Variants in QRFPR observed in about 807,000 individuals in gnomAD.
The protein encoded by QRFPR is pyroglutamylated RF-amide peptide receptor.
QRFPR carries 37 observed loss-of-function variants against 31.3 expected under a neutral mutation model. The ratio of observed to expected loss-of-function variants is 1.18; its 90% CI spans 0.91 to 1.56. The LOEUF (loss-of-function observed/expected upper bound fraction) is 1.56. Among genes scored for constraint, QRFPR ranks in the 40% most tolerant of loss-of-function variants. The pLI is 0.00. For synonymous variants in QRFPR, 197 were observed against 192.0 expected (o/e 1.03, Z -0.22); for missense variants, 542 against 532.5 (o/e 1.02, Z -0.18).
intron 2 of QRFPR, among the ~76,000 whole-genome samples, chr4:121,338,876 T>C (rs1295154625): frequency 6.6e-6 from 1 of 152,360 alleles, no homozygotes; most frequent in South Asian, 2.1e-4. Flanking sequence ...CTACTTCTCT[T>C]TCCTTTTAAA....
chr4:121,362,508 G>C (rs1726013589), intron 1 of QRFPR, among the ~76,000 whole-genome samples: 1 of 149,644 alleles, frequency 6.7e-6, no homozygotes. Flanking sequence ...AAAAGACCAG[G>C]AATAACTAAC....
intron 3 of QRFPR, among the ~76,000 whole-genome samples, chr4:121,333,826 A>C (rs1725382735): frequency 6.6e-6 from 1 of 152,176 alleles, no homozygotes. Flanking sequence ...AGGAATAAAA[A>C]CGAGAATATT....
chr4:121,331,650 ATTATTATTG>A (rs985269291), intron 4 of QRFPR, among the ~76,000 whole-genome samples: 24 of 147,006 alleles, frequency 1.6e-4, no homozygotes, highest in African/African-American at 6.0e-4. Context: ...TATTATTATT[ATTATTATTG>A]TTATTATTAT....
chr4:121,353,590 C>T (rs1725804570), intron 1 of QRFPR, among the ~76,000 whole-genome samples: 1 of 151,888 alleles, frequency 6.6e-6, no homozygotes, highest in African/African-American at 2.4e-5. Context: ...ACTGTTTGAG[C>T]TCCTTCTATA....
intron 3 of QRFPR, 46 bp downstream of exon 3, chr4:121,336,761 A>G: frequency 2.8e-6 from 4 of 1,431,276 alleles, no homozygotes; most frequent in Non-Finnish European, 3.9e-6. Flanking sequence ...AAGAGGGGTG[A>G]GAAAATAGTT....
At chr4:121,350,207 A>G (rs1053758912) in intron 1 of QRFPR, among the ~76,000 whole-genome samples, 10 of 152,210 alleles carry the variant, frequency 6.6e-5, no homozygotes, top group Admixed American at 5.9e-4. Flanking sequence ...TTTAGGATGA[A>G]AAACTACAAA....
intron 1 of QRFPR, among the ~76,000 whole-genome samples, chr4:121,346,538 C>T: frequency 6.6e-6 from 1 of 152,088 alleles, no homozygotes; most frequent in Non-Finnish European, 1.5e-5. Context: ...ACTTATTGTC[C>T]TTGTTTCTCT....
chr4:121,379,989 C>T (rs543357715), intron 1 of QRFPR, among the ~76,000 whole-genome samples: 13 of 152,006 alleles, frequency 8.6e-5, no homozygotes, highest in Non-Finnish European at 1.9e-4. Flanking sequence ...CCTCACTGCT[C>T]GGGACCTTTC....
At chr4:121,345,137 C>A (rs1341544466) in intron 1 of QRFPR, among the ~76,000 whole-genome samples, 2 of 152,172 alleles carry the variant, frequency 1.3e-5, no homozygotes, top group Admixed American at 6.5e-5. Flanking sequence ...CCACTGTGGG[C>A]AGGTTAGGTA....
intron 2 of QRFPR, among the ~76,000 whole-genome samples, chr4:121,338,294 T>C (rs973183466): frequency 3.9e-5 from 6 of 152,156 alleles, no homozygotes; most frequent in African/African-American, 7.2e-5. Flanking sequence ...AGTCTAATTT[T>C]CATAGCTCAT....
At chr4:121,350,344 C>T (rs543632972) in intron 1 of QRFPR, among the ~76,000 whole-genome samples, 78 of 152,296 alleles carry the variant, frequency 5.1e-4, no homozygotes, top group African/African-American at 1.8e-3. Flanking sequence ...GTTTAGTCCC[C>T]ATATTATTTT....
chr4:121,365,525 A>T (rs1198300350), intron 1 of QRFPR, among the ~76,000 whole-genome samples: 2 of 8,012 alleles, frequency 2.5e-4, no homozygotes, highest in East Asian at 2.1e-3. Context: ...TATTATATAT[A>T]TTATATATAA....
At chr4:121,340,108 CA>C (rs58311512) in intron 2 of QRFPR, 1,931 of 131,418 alleles carry the variant, frequency 0.015, 6 homozygotes, top group African/African-American at 0.051. Context: ...CACTCTGTCT[CA>C]AAAAAAAAAA....
chr4:121,342,687 C>T lies in QRFPR; in HGVS notation c.341-2077G>A, dbSNP rs186448693. ...ATTTACCCCTACTAAAATATAGATG[C>T]CAGAGCAATAATTTTTGTCTATTTT... On this transcript the variant is annotated intron_variant, in intron 1 of 5. Transcript: ENST00000394427. 8.0e-5 allele frequency among the ~76,000 whole-genome samples: 12 copies of T among 149,366 alleles called. No homozygotes were observed. The East Asian group carries it at 2.1e-3, about 27-fold the overall frequency.
At chr4:121,368,083 T>A (rs1726160727) in intron 1 of QRFPR, among the ~76,000 whole-genome samples, 1 of 149,890 alleles carries the variant, frequency 6.7e-6, no homozygotes, top group Non-Finnish European at 1.5e-5. Flanking sequence ...ACTGAACTTG[T>A]ACACAGTGAG....
chr4:121,336,088 T>A (rs1725429566), intron 3 of QRFPR, among the ~76,000 whole-genome samples: 1 of 152,196 alleles, frequency 6.6e-6, no homozygotes, highest in Non-Finnish European at 1.5e-5. Flanking sequence ...CATTTGCCTA[T>A]CTCTACTTTA....
intron 2 of QRFPR, among the ~76,000 whole-genome samples, chr4:121,337,986 A>G (rs1725465688): frequency 6.6e-6 from 1 of 152,190 alleles, no homozygotes. Context: ...TGGGTGGAAC[A>G]TTAAGAAAAC....
At chr4:121,365,520 T>TATATTATATATATA (rs1560743479) in intron 1 of QRFPR, among the ~76,000 whole-genome samples, 2 of 5,496 alleles carry the variant, frequency 3.6e-4, no homozygotes, top group African/African-American at 3.1e-3. Flanking sequence ...ATATATATTA[T>TATATTATATATATA]ATATATTATA....
chr4:121,344,664 T>C (rs1725609890), intron 1 of QRFPR, among the ~76,000 whole-genome samples: 1 of 152,188 alleles, frequency 6.6e-6, no homozygotes, highest in African/African-American at 2.4e-5. Flanking sequence ...CCTTTTTAAT[T>C]GAGAGAGCAC....
Sources: allele counts gnomAD v4.1 joint callset (sites outside exome capture counted in the v4.1 genomes callset), GRCh38; gene constraint gnomAD v4.1.1; transcripts MANE v1.5; gene names NCBI Gene and HGNC (gene_info 2026-07-23, HGNC 2026-07-21).